OPCML: variants seen among roughly 807,000 people sequenced by gnomAD.
OPCML encodes the protein opioid-binding protein/cell adhesion molecule.
Under a neutral mutation model 37.8 loss-of-function variants are expected in OPCML, and 13 were observed. The observed-to-expected ratio is 0.34, with a 90% confidence interval of 0.22 to 0.55. The LOEUF is 0.55. Ranked by LOEUF, OPCML falls within the 20% of genes least tolerant of loss-of-function variation. OPCML has a pLI of 0.91. For synonymous variants in OPCML, 176 were observed against 168.8 expected (o/e 1.04, Z -0.33); for missense variants, 341 against 435.6 (o/e 0.78, Z 1.93).
rs1947679577 is a variant in OPCML, at chr11:133,031,816, A to G, written c.62-88806T>C. On this transcript the variant is annotated intron_variant, in intron 1 of 7. Coordinates refer to ENST00000524381, the MANE Select transcript of OPCML (RefSeq NM_001012393.5). ...CTTACATCACAGGACAGTCAGAAAC[A>G]TTAGAACCAAGCTTTCAAATGAGCA... Among the ~76,000 whole-genome samples, 4 of 152,226 alleles carry G rather than the reference A, an allele frequency of 2.6e-5. No individual in the cohort carries two copies. In the South Asian group the frequency reaches 8.3e-4, roughly 32 times the overall value.
At chr11:132,838,640 T>C (rs1051991046) in intron 2 of OPCML, among the ~76,000 whole-genome samples, 2 of 152,256 alleles carry the variant, frequency 1.3e-5, no homozygotes, top group Non-Finnish European at 2.9e-5. Flanking sequence ...CAAGCTGCTA[T>C]AATAAATTCA....
intron 1 of OPCML, among the ~76,000 whole-genome samples, chr11:133,431,356 TGA>T (rs979751352): frequency 3.3e-5 from 5 of 152,246 alleles, no homozygotes; most frequent in Non-Finnish European, 7.3e-5. Flanking sequence ...ATCTGTCTTT[TGA>T]GAGAGACACA....
intron 1 of OPCML, among the ~76,000 whole-genome samples, chr11:132,962,203 A>C (rs1336710235): frequency 6.6e-6 from 1 of 152,244 alleles, no homozygotes; most frequent in Non-Finnish European, 1.5e-5. Flanking sequence ...AACACTGTAC[A>C]ACAGAGGGCC....
At position 132,734,274 on chromosome 11, in the gene OPCML, C is replaced by T. The variant is rs117365454; in HGVS notation, c.147-76955G>A. On this transcript the variant is annotated intron_variant, in intron 2 of 7. Transcript: ENST00000524381. ...CTTTCTTAAGTAGATCCCTCCTACA[C>T]GGAATCCAGAGAGGCCTGTGCATCC... Among the ~76,000 whole-genome samples, 334 of 152,276 alleles carry T rather than the reference C, an allele frequency of 2.2e-3. 2 individuals carry two copies. The East Asian group carries it at 0.049, about 22-fold the overall frequency.
intron 2 of OPCML, among the ~76,000 whole-genome samples, chr11:132,695,831 A>T (rs1376842488): frequency 6.6e-6 from 1 of 152,222 alleles, no homozygotes; most frequent in African/African-American, 2.4e-5. Context: ...AGAAGTATGG[A>T]GAAAGATGAA....
chr11:132,808,828 G>T (rs368282280), intron 2 of OPCML, among the ~76,000 whole-genome samples: 2 of 152,162 alleles, frequency 1.3e-5, no homozygotes, highest in Admixed American at 6.5e-5. Flanking sequence ...TCTCAAACCT[G>T]CATGGAGAAG....
chr11:132,582,149 T>TGA (rs57653474), intron 3 of OPCML, among the ~76,000 whole-genome samples: 6,653 of 129,528 alleles, frequency 0.051, 278 homozygotes, highest in East Asian at 0.14. Context: ...TGTGTGTGTG[T>TGA]GAAACAGAGA....
At chr11:132,685,750 G>C (rs1943137852) in intron 2 of OPCML, among the ~76,000 whole-genome samples, 1 of 152,146 alleles carries the variant, frequency 6.6e-6, no homozygotes, top group Non-Finnish European at 1.5e-5. Context: ...CACAGTTCCT[G>C]AGAAGTAAAC....
intron 4 of OPCML, among the ~76,000 whole-genome samples, chr11:132,497,621 G>T (rs528486500): frequency 6.6e-6 from 1 of 152,064 alleles, no homozygotes; most frequent in Non-Finnish European, 1.5e-5. Context: ...CCAAGCAGAG[G>T]TAATAACCAA....
At chr11:132,468,978 T>A (rs1166398354) in intron 4 of OPCML, among the ~76,000 whole-genome samples, 2 of 152,236 alleles carry the variant, frequency 1.3e-5, no homozygotes, top group Non-Finnish European at 2.9e-5. Context: ...CCAATTATCT[T>A]GCCTTCTGTA....
chr11:132,452,990 A>G (rs1363952974), intron 4 of OPCML, among the ~76,000 whole-genome samples: 2 of 152,154 alleles, frequency 1.3e-5, no homozygotes, highest in African/African-American at 4.8e-5. Flanking sequence ...TCCCTGCACC[A>G]TGCCCACATC....
intron 2 of OPCML, among the ~76,000 whole-genome samples, chr11:132,846,575 G>GA (rs1168983794): frequency 6.6e-6 from 1 of 152,170 alleles, no homozygotes; most frequent in Non-Finnish European, 1.5e-5. Flanking sequence ...CATTCACACT[G>GA]AAAAAATATA....
intron 1 of OPCML, among the ~76,000 whole-genome samples, chr11:133,436,604 C>T (rs1352048511): frequency 6.6e-6 from 1 of 152,130 alleles, no homozygotes; most frequent in South Asian, 2.1e-4. Flanking sequence ...AGTGCCAGGA[C>T]GTACTATGTC....
At chr11:133,336,253 T>C in intron 1 of OPCML, among the ~76,000 whole-genome samples, 1 of 152,120 alleles carries the variant, frequency 6.6e-6, no homozygotes, top group East Asian at 1.9e-4. Context: ...ATCTGGGGGA[T>C]AAATGAAGGA....
intron 4 of OPCML, among the ~76,000 whole-genome samples, chr11:132,496,854 G>C (rs1212095723): frequency 6.6e-6 from 1 of 152,182 alleles, no homozygotes; most frequent in Non-Finnish European, 1.5e-5. Context: ...AGAAGATCAG[G>C]ATAGGTTTGA....
intron 7 of OPCML, among the ~76,000 whole-genome samples, chr11:132,427,943 C>A (rs2095983159): frequency 6.6e-6 from 1 of 152,196 alleles, no homozygotes; most frequent in Admixed American, 6.5e-5. Flanking sequence ...TGTCATCAGC[C>A]AAAAGCAATG....
At chr11:132,895,874 T>G (rs1432917967) in intron 2 of OPCML, among the ~76,000 whole-genome samples, 2 of 151,804 alleles carry the variant, frequency 1.3e-5, no homozygotes, top group East Asian at 3.9e-4. Flanking sequence ...AGAGGTGAGG[T>G]TCAAAGTGTG....
chr11:133,390,173 T>C (rs1292281646), intron 1 of OPCML, among the ~76,000 whole-genome samples: 1 of 152,234 alleles, frequency 6.6e-6, no homozygotes, highest in Non-Finnish European at 1.5e-5. Flanking sequence ...AAGAGGTAGC[T>C]ACAGGCCGAA....
At chr11:133,158,489 C>A (rs1037900181) in intron 1 of OPCML, among the ~76,000 whole-genome samples, 1 of 151,886 alleles carries the variant, frequency 6.6e-6, no homozygotes, top group Non-Finnish European at 1.5e-5. Flanking sequence ...ATCACGAGGT[C>A]AAGAGATAGA....
Sources: gnomAD v4.1 joint callset for allele counts (sites outside exome capture counted in the v4.1 genomes callset) on GRCh38, gnomAD v4.1.1 for gene constraint, MANE v1.5 for transcripts, NCBI Gene and HGNC (gene_info 2026-07-23, HGNC 2026-07-21) for gene names.